The following MUSK variants were observed in gnomAD, a reference collection of about 807,000 sequenced individuals.
MUSK encodes muscle associated receptor tyrosine kinase.
A neutral mutation model predicts 88.7 loss-of-function variants in MUSK; 55 were observed. The observed-to-expected ratio is 0.62, with a 90% confidence interval of 0.50 to 0.78. The LOEUF (loss-of-function observed/expected upper bound fraction) is 0.78, where lower values mean the gene tolerates loss of function less well. MUSK is among the 30% of genes least tolerant of loss of function. The pLI, the probability that MUSK is intolerant of heterozygous loss-of-function variation, is 0.00. For synonymous variants in MUSK, 387 were observed against 391.9 expected, an observed-to-expected ratio of 0.99 and a Z score of 0.15; for missense variants, 1,015 against 1,074.3, an observed-to-expected ratio of 0.94 and a Z score of 0.77.
At chr9:110,757,432 C>A in intron 7 of MUSK, among the ~76,000 whole-genome samples, 1 of 148,930 alleles carries the variant, frequency 6.7e-6, no homozygotes, top group Admixed American at 6.7e-5. Flanking sequence ...GAGCTCCAGC[C>A]TGGGCAACAG....
Position 110,768,880 on chromosome 9 carries a change from G to T in MUSK, c.1184+797G>T, listed in dbSNP as rs550729643. 2.1e-3 allele frequency among the ~76,000 whole-genome samples: 314 copies of T among 152,188 alleles called. 1 individual carries two copies. The highest frequency in any genetic ancestry group is 7.1e-3 in the African/African-American group (293 of 41,540). On this transcript the variant is annotated intron_variant, in intron 9 of 14. Transcript: ENST00000374448. Reference sequence around the variant, plus strand: ...GAATTAGATTATAAATAGATATTTTGTTAAACTCCCATACTTTTTAAATAT... The same window carrying T: ...GAATTAGATTATAAATAGATATTTTTTTAAACTCCCATACTTTTTAAATAT...
chr9:110,718,321 T>C (rs974386250), intron 5 of MUSK, among the ~76,000 whole-genome samples: 12 of 152,032 alleles, frequency 7.9e-5, no homozygotes, highest in Middle Eastern at 3.2e-3. Context: ...TCCTATTTGT[T>C]AGAAGTGAGT....
In MUSK at chr9:110,701,652, A is replaced by ATAT. The variant is rs1355643959; in HGVS notation, c.628+4187_628+4188insATT. 1.8e-3 allele frequency among the ~76,000 whole-genome samples: 19 copies of ATAT among 10,798 alleles called. 6 individuals carry two copies. Among genetic ancestry groups the ATAT allele is most frequent in the African/African-American group, 4.8e-3 (16 of 3,320 alleles). 7.1% of individuals were successfully genotyped at this position (10,798 alleles called of 152,430 possible). On this transcript the variant is annotated intron_variant, in intron 5 of 14. Transcript: ENST00000374448. ...CAGGTGTGCACTACTGTGCTCAGCT[A>ATAT]TTTATTTTATTTATTTTATTTTATT...
At chr9:110,680,477 G>T (rs1166820871) in intron 1 of MUSK, among the ~76,000 whole-genome samples, 1 of 150,270 alleles carries the variant, frequency 6.7e-6, no homozygotes, top group Non-Finnish European at 1.5e-5. Flanking sequence ...TCCACCTCCT[G>T]GGTTCAAGCG....
Position 110,800,715 on chromosome 9 carries a change from C to T in MUSK, c.2337C>T (p.Tyr779=). ...MPPESIFYNR[Y]TTESDVWAYG... ...CAGAGTCCATTTTTTATAACCGCTACACTACAGAGTCTGATGTGTGGGCCT... is the reference window on the plus strand; with the variant it reads ...CAGAGTCCATTTTTTATAACCGCTATACTACAGAGTCTGATGTGTGGGCCT... Residue 779 remains tyrosine (Y), a synonymous_variant, in exon 15 of 15, where the codon TAC becomes TAT. Coordinates refer to ENST00000374448, the MANE Select transcript of MUSK (RefSeq NM_005592.4). The T allele has an allele frequency of 6.2e-7, 1 of 1,614,018 alleles. No homozygotes were observed. The highest frequency in any genetic ancestry group is 1.7e-5 in the Admixed American group (1 of 60,020).
At chr9:110,677,083 C>G (rs1383700708) in intron 1 of MUSK, among the ~76,000 whole-genome samples, 2 of 152,132 alleles carry the variant, frequency 1.3e-5, no homozygotes, top group East Asian at 3.8e-4. Context: ...CATAAATCTG[C>G]TTTCTCAGGG....
rs370094071 is a variant in MUSK, at chr9:110,800,977, G to T, written c.2599G>T (p.Val867Leu). ...ERMCERAEGT[V>L]SV ...CATGTGTGAGAGGGCAGAGGGAACT[G>T]TGAGTGTCTAAGGTTGAAGACGTTC... The change falls in exon 15 of 15, where the codon GTG becomes TTG. Residue 867 changes from valine (V) to leucine (L), a missense_variant. Val to Leu is a conservative substitution (Grantham distance 32, BLOSUM62 1). Transcript: ENST00000374448. 6.1e-4 allele frequency: 930 copies of T among 1,515,938 alleles called. 14 individuals carry two copies. In the South Asian group the frequency reaches 0.011, roughly 18 times the overall value. The allele number at this position is 1,515,938 out of a possible 1,614,324, so 93.9% of individuals were successfully genotyped here. A position where few individuals can be genotyped will look rare whatever the true frequency, so the allele number is the denominator to read the frequency against.
At chr9:110,782,661 T>G (rs2077780198) in intron 11 of MUSK, among the ~76,000 whole-genome samples, 1 of 152,186 alleles carries the variant, frequency 6.6e-6, no homozygotes, top group African/African-American at 2.4e-5. Flanking sequence ...TGTTCCAACT[T>G]TATTATTAGC....
chr9:110,791,139 T>A (rs1299764369), intron 14 of MUSK, among the ~76,000 whole-genome samples: 1 of 151,964 alleles, frequency 6.6e-6, no homozygotes, highest in Non-Finnish European at 1.5e-5. Context: ...AGCTCCGGTC[T>A]ACAGCTCCCA....
intron 3 of MUSK, among the ~76,000 whole-genome samples, chr9:110,689,674 T>TATATATAACTATATATAGTTATATATAA (rs1318266113): frequency 0.061 from 4,408 of 72,250 alleles, 617 homozygotes; most frequent in East Asian, 0.44. Context: ...CATAGTATAT[T>TATATATAACTATATATAGTTATATATAA]ATATATAACT....
chr9:110,698,975 AAG>A (rs1357973702), intron 5 of MUSK, among the ~76,000 whole-genome samples: 5 of 152,270 alleles, frequency 3.3e-5, no homozygotes, highest in East Asian at 3.9e-4. Context: ...AAATATCACA[AAG>A]AGTTTTTCTC....
intron 5 of MUSK, among the ~76,000 whole-genome samples, chr9:110,731,015 C>T (rs937490501): frequency 2.0e-5 from 3 of 151,992 alleles, no homozygotes; most frequent in African/African-American, 7.2e-5. Context: ...AGACTGATAG[C>T]TCAGAATAGG....
chr9:110,707,225 AG>A (rs1389422091), intron 5 of MUSK, among the ~76,000 whole-genome samples: 1 of 152,176 alleles, frequency 6.6e-6, no homozygotes, highest in Non-Finnish European at 1.5e-5. Flanking sequence ...ATAAAATACC[AG>A]ACCATACAAA....
rs182777660 is a variant in MUSK, at chr9:110,688,128, G to T, written c.358+860G>T. 5.2e-3 allele frequency among the ~76,000 whole-genome samples: 791 copies of T among 151,898 alleles called. 7 individuals carry two copies. The highest frequency in any genetic ancestry group is 6.8e-3 in the Non-Finnish European group (463 of 67,946). ...TATACAAAATCTTTCCTCTGATGAG[G>T]GCTTATGCCATTCTGACCTATCTTT... On this transcript the variant is annotated intron_variant, in intron 3 of 14. Coordinates refer to ENST00000374448, the MANE Select transcript of MUSK (RefSeq NM_005592.4).
At chr9:110,673,665 T>C (rs3001133) in intron 1 of MUSK, among the ~76,000 whole-genome samples, 81,454 of 151,854 alleles carry the variant, frequency 0.54, 22,789 homozygotes, top group African/African-American at 0.69. Context: ...TCATGTGACA[T>C]CTCCAGTGTG....
intron 8 of MUSK, among the ~76,000 whole-genome samples, chr9:110,765,736 G>A (rs1168710871): frequency 2.6e-5 from 4 of 151,868 alleles, no homozygotes; most frequent in Admixed American, 2.6e-4. Context: ...ACCACGCCCG[G>A]CTAATTTTTA....
chr9:110,761,053 G>T (rs536323617), intron 7 of MUSK, among the ~76,000 whole-genome samples: 1 of 152,332 alleles, frequency 6.6e-6, no homozygotes, highest in East Asian at 1.9e-4. Flanking sequence ...CGTAATGAGG[G>T]TTGAGAGGAC....
intron 1 of MUSK, among the ~76,000 whole-genome samples, chr9:110,677,086 T>C (rs1288193415): frequency 6.6e-6 from 1 of 152,148 alleles, no homozygotes; most frequent in Non-Finnish European, 1.5e-5. Flanking sequence ...AAATCTGCTT[T>C]CTCAGGGACC....
intron 1 of MUSK, among the ~76,000 whole-genome samples, chr9:110,678,321 A>C (rs1202270475): frequency 1.3e-5 from 2 of 151,904 alleles, no homozygotes; most frequent in Non-Finnish European, 2.9e-5. Context: ...CAGTCTTGCC[A>C]TGTTGCCCAG....
Sources: gnomAD v4.1 joint callset for allele counts (sites outside exome capture counted in the v4.1 genomes callset) on GRCh38, gnomAD v4.1.1 for gene constraint, MANE v1.5 for transcripts, NCBI Gene and HGNC (gene_info 2026-07-23, HGNC 2026-07-21) for gene names.